The following AFF2 variants were observed in gnomAD, a reference collection of about 807,000 sequenced individuals.
AFF2 encodes the protein ALF transcription elongation factor 2, also known as AF4/FMR2 family member 2.
AFF2 carries 14 observed loss-of-function variants against 76.9 expected under a neutral mutation model. That is an observed-to-expected ratio of 0.18 (90% CI 0.12 to 0.28). The LOEUF is 0.28. AFF2 is among the 10% of genes least tolerant of loss of function. The pLI, the probability that AFF2 is intolerant of heterozygous loss-of-function variation, is 1.00. For missense variants in AFF2, 868 were observed against 1,001.1 expected, an observed-to-expected ratio of 0.87 and a Z score of 1.79; for synonymous variants, 398 against 366.7, an observed-to-expected ratio of 1.09 and a Z score of -0.98.
chrX:148,913,889 G>A (rs1424224238), intron 9 of AFF2, among the ~76,000 whole-genome samples: 1 of 112,004 alleles, frequency 8.9e-6, no homozygotes, highest in African/African-American at 3.3e-5. Flanking sequence ...CAAAAATGTA[G>A]AGTCACATAG....
intron 9 of AFF2, among the ~76,000 whole-genome samples, chrX:148,939,234 C>G (rs995805101): frequency 9.0e-6 from 1 of 111,649 alleles, no homozygotes; most frequent in African/African-American, 3.3e-5. Flanking sequence ...ATTATCTATA[C>G]TACTAGAAGA....
intron 1 of AFF2, among the ~76,000 whole-genome samples, chrX:148,625,404 C>T (rs1339244802): frequency 7.2e-5 from 8 of 111,028 alleles, no homozygotes; most frequent in African/African-American, 2.3e-4. Context: ...TTACTCCTCC[C>T]GCCAAAGCAA....
chrX:148,955,376 G>A (rs574054519), intron 10 of AFF2, among the ~76,000 whole-genome samples: 221 of 112,715 alleles, frequency 2.0e-3, no homozygotes, highest in South Asian at 4.4e-3. Flanking sequence ...GAGTCGAAAT[G>A]AGCTTAAATA....
chrX:148,829,465 A>G (rs1421558972), intron 4 of AFF2, among the ~76,000 whole-genome samples: 4 of 112,146 alleles, frequency 3.6e-5, no homozygotes, highest in Non-Finnish European at 5.6e-5. Context: ...TCAGCAAACA[A>G]TCAGACAAAT....
chrX:148,915,937 A>T (rs185198940), intron 9 of AFF2, among the ~76,000 whole-genome samples: 1 of 112,390 alleles, frequency 8.9e-6, no homozygotes, highest in East Asian at 2.8e-4. Flanking sequence ...AAAACAGAAG[A>T]ACCTATTTCC....
chrX:148,643,634 A>G (rs1387392217), intron 1 of AFF2, among the ~76,000 whole-genome samples: 2 of 112,326 alleles, frequency 1.8e-5, no homozygotes, highest in African/African-American at 6.5e-5. Flanking sequence ...ATCCTTAGAT[A>G]TCTATTGTGC....
chrX:148,819,092 C>T (rs186156042), intron 4 of AFF2, among the ~76,000 whole-genome samples: 39 of 110,711 alleles, frequency 3.5e-4, no homozygotes, highest in Admixed American at 2.7e-3. Context: ...ATATCAATGC[C>T]GAGAAGCAAG....
chrX:148,692,687 C>T (rs984846394), intron 3 of AFF2, among the ~76,000 whole-genome samples: 2 of 111,335 alleles, frequency 1.8e-5, no homozygotes, highest in Middle Eastern at 4.2e-3. Flanking sequence ...CATGTAGTTG[C>T]ATGTTCTATT....
intron 1 of AFF2, among the ~76,000 whole-genome samples, chrX:148,528,576 G>A (rs939469107): frequency 9.0e-6 from 1 of 111,377 alleles, no homozygotes; most frequent in Non-Finnish European, 1.9e-5. Context: ...TGATGTTATG[G>A]CAATCATCTG....
chrX:148,538,477 A>G (rs947959627), intron 1 of AFF2, among the ~76,000 whole-genome samples: 11 of 112,537 alleles, frequency 9.8e-5, no homozygotes, highest in Non-Finnish European at 1.9e-4. Context: ...TTTAATGTAC[A>G]CAGAAATCGT....
At chrX:148,903,698 G>A (rs782576511) in intron 8 of AFF2, among the ~76,000 whole-genome samples, 1 of 111,704 alleles carries the variant, frequency 9.0e-6, no homozygotes, top group Non-Finnish European at 1.9e-5. Context: ...TGTGGTGTCG[G>A]CTAATAAAAA....
chrX:148,762,478 A>ATGTG (rs1286942859), intron 3 of AFF2, among the ~76,000 whole-genome samples: 12 of 25,845 alleles, frequency 4.6e-4, no homozygotes, highest in Non-Finnish European at 7.8e-4. Context: ...GTACATATGT[A>ATGTG]TATGTGTGTG....
chrX:148,817,239 C>T (rs782206688), intron 4 of AFF2, among the ~76,000 whole-genome samples: 7 of 111,211 alleles, frequency 6.3e-5, no homozygotes, highest in South Asian at 3.7e-4. Flanking sequence ...GGTTACTTAA[C>T]GCCATCAAGA....
At chrX:148,871,995 C>T (rs2070982125) in intron 7 of AFF2, among the ~76,000 whole-genome samples, 1 of 111,318 alleles carries the variant, frequency 9.0e-6, no homozygotes, top group Admixed American at 9.5e-5. Flanking sequence ...TGCCGTACTT[C>T]GTTATGCAGG....
chrX:148,595,806 CA>C (rs2053566064), intron 1 of AFF2, among the ~76,000 whole-genome samples: 1 of 111,723 alleles, frequency 9.0e-6, no homozygotes, highest in Middle Eastern at 4.3e-3. Context: ...AAGAGGAAAG[CA>C]AGAAGGTCAA....
chrX:148,620,216 G>C (rs1206556906), intron 1 of AFF2, among the ~76,000 whole-genome samples: 1 of 110,957 alleles, frequency 9.0e-6, no homozygotes, highest in Non-Finnish European at 1.9e-5. Flanking sequence ...TTACTCAGTA[G>C]TCTAGTAAGT....
At chrX:148,764,612 A>T (rs2069489897) in intron 3 of AFF2, among the ~76,000 whole-genome samples, 1 of 112,362 alleles carries the variant, frequency 8.9e-6, no homozygotes, top group African/African-American at 3.2e-5. Flanking sequence ...TAATTCTTAA[A>T]AGTCCATCAT....
intron 9 of AFF2, among the ~76,000 whole-genome samples, chrX:148,947,148 A>G (rs1465180109): frequency 1.2e-4 from 14 of 112,183 alleles, no homozygotes; most frequent in African/African-American, 4.5e-4. Context: ...TTCAAACATC[A>G]GGATGAGATA....
intron 3 of AFF2, among the ~76,000 whole-genome samples, chrX:148,714,719 G>A (rs1448293682): frequency 9.0e-6 from 1 of 111,441 alleles, no homozygotes; most frequent in South Asian, 3.8e-4. Flanking sequence ...CTAAGATGTC[G>A]CCTCCAGAAT....
Sources: allele counts gnomAD v4.1 joint callset (sites outside exome capture counted in the v4.1 genomes callset), GRCh38; gene constraint gnomAD v4.1.1; transcripts MANE v1.5; gene names NCBI Gene and HGNC (gene_info 2026-07-23, HGNC 2026-07-21).